The following VIPR2 variants were observed in gnomAD, a reference collection of about 807,000 sequenced individuals.
VIPR2 encodes the protein vasoactive intestinal peptide receptor 2, also known as vasoactive intestinal polypeptide receptor 2.
A neutral mutation model predicts 58.0 loss-of-function variants in VIPR2; 48 were observed. The ratio of observed to expected loss-of-function variants is 0.83; its 90% CI spans 0.66 to 1.05. VIPR2 has a LOEUF of 1.05. Among genes scored for constraint, VIPR2 ranks in the 50% least tolerant of loss-of-function variants. The pLI is 0.00. For missense variants in VIPR2, 534 were observed against 558.0 expected (o/e 0.96, Z 0.43); for synonymous variants, 243 against 235.2 (o/e 1.03, Z -0.30).
Position 159,118,226 on chromosome 7 carries a change from T to C in VIPR2, c.152-8307A>G, listed in dbSNP as rs539537287. The stretch of plus-strand genomic sequence containing the variant: ...CCTTCCCAGCCGCATGTCTGAGTGG[T>C]TGAGTTCTCTGCAATCCTCGCCGCT... On this transcript the variant is annotated intron_variant, in intron 2 of 12. Transcript: ENST00000262178. Among the ~76,000 whole-genome samples the C allele has an allele frequency of 1.4e-4, 22 of 152,304 alleles. No homozygotes were observed. In the South Asian group the frequency reaches 4.3e-3, roughly 30 times the overall value.
At position 159,099,036 on chromosome 7, in the gene VIPR2, G is replaced by A. The variant is rs1585488950; in HGVS notation, c.357+4721C>T. ...TCTGGTGCTTGCAGCCTCCAGAGCC[G>A]CCTGTGCTATGTGCTGTTGCTTCGT... On this transcript the variant is annotated intron_variant, in intron 4 of 12. Coordinates refer to ENST00000262178, the MANE Select transcript of VIPR2 (RefSeq NM_003382.5). This position sits in a 1 kb window ranked among gnomAD's most constrained non-coding sequence, Gnocchi z 4.2. 6.6e-6 allele frequency among the ~76,000 whole-genome samples: 1 copy of A among 152,218 alleles called. No individual in the cohort carries two copies. The highest frequency in any genetic ancestry group is 2.4e-5 in the African/African-American group (1 of 41,466).
Position 159,141,116 on chromosome 7 carries a change from GGAA to G in VIPR2, c.151+1327_151+1329del, listed in dbSNP as rs1458304132. On this transcript the variant is annotated intron_variant, in intron 2 of 12. Coordinates refer to ENST00000262178, the MANE Select transcript of VIPR2 (RefSeq NM_003382.5). ...CCTTTCCTAACTCAGAACTTTCACT[GGAA>G]GAAGGACCTCCCATGGCCACGCTGC... Among the ~76,000 whole-genome samples, 5 of 152,338 alleles carry G rather than the reference GGAA, an allele frequency of 3.3e-5. No individual in the cohort carries two copies. In the South Asian group the frequency reaches 6.2e-4, roughly 19 times the overall value.
intron 5 of VIPR2, among the ~76,000 whole-genome samples, chr7:159,054,134 C>T (rs891226671): frequency 2.1e-4 from 32 of 152,162 alleles, no homozygotes; most frequent in African/African-American, 7.0e-4. Flanking sequence ...TTCCTGTACC[C>T]GCTCCCGGAC....
At position 159,144,376 on chromosome 7, in the gene VIPR2, C is replaced by G. The variant is rs905250751; in HGVS notation, c.51+345G>C. 8 of 1,543,468 alleles carry G rather than the reference C, an allele frequency of 5.2e-6. No homozygotes were observed. The African/African-American group carries it at 6.9e-5, about 13-fold the overall frequency. The stretch of plus-strand genomic sequence containing the variant: ...CTCCCCGTGAAACGCGCAGCCCGCG[C>G]AGGCGCCCGCAGCTCCCAGCTCCCG... On this transcript the variant is annotated intron_variant, in intron 1 of 12. Transcript: ENST00000262178.
intron 10 of VIPR2, 128 bp downstream of exon 10, chr7:159,034,085 C>G: frequency 1.2e-6 from 1 of 850,228 alleles, no homozygotes; most frequent in Admixed American, 2.4e-5. Context: ...CCCTGGGGCC[C>G]AGCCTCGAGG....
At chr7:159,075,932 C>G (rs1041346925) in intron 4 of VIPR2, among the ~76,000 whole-genome samples, 2 of 152,384 alleles carry the variant, frequency 1.3e-5, no homozygotes, top group South Asian at 2.1e-4. Context: ...TCTCACGGGC[C>G]GTGGAAGTCC....
intron 3 of VIPR2, 117 bp downstream of exon 3, chr7:159,109,695 C>G: frequency 2.1e-6 from 2 of 945,944 alleles, no homozygotes; most frequent in Non-Finnish European, 1.7e-6. Context: ...TCCCTGACCC[C>G]CAGGGTAGCA....
chr7:159,031,507 G>T lies in VIPR2; in HGVS notation c.1143+321C>A. On this transcript the variant is annotated intron_variant, in intron 12 of 12. Transcript: ENST00000262178. This position sits in a 1 kb window ranked among gnomAD's most constrained non-coding sequence, Gnocchi z 4.0. Reference sequence around the variant, plus strand: ...TCTGGGACTCACAAGCTATGGTCAGGAGCGAGACGCCGACCATGGGGAAAA... The same window carrying T: ...TCTGGGACTCACAAGCTATGGTCAGTAGCGAGACGCCGACCATGGGGAAAA... 1 of 985,386 alleles carries T rather than the reference G, an allele frequency of 1.0e-6. No homozygotes were observed. Among genetic ancestry groups the T allele is most frequent in the Non-Finnish European group, 1.2e-6 (1 of 829,920 alleles). 61.0% of individuals were successfully genotyped at this position (985,386 alleles called of 1,614,324 possible).
chr7:159,048,754 G>A (rs1391385112), intron 5 of VIPR2, among the ~76,000 whole-genome samples: 1 of 152,148 alleles, frequency 6.6e-6, no homozygotes, highest in Non-Finnish European at 1.5e-5. Flanking sequence ...GTTGGACACT[G>A]CTGATCTCAA....
chr7:159,035,912 C>T (rs370646609), intron 8 of VIPR2, 40 bp downstream of exon 8: 24 of 1,600,742 alleles, frequency 1.5e-5, no homozygotes, highest in African/African-American at 8.1e-5. Context: ...CAGATGTTGC[C>T]GGGCCCGTTT....
rs1405675355 is a variant in VIPR2 at position 159,029,187 on chromosome 7, G to A, written c.*1429C>T. The A allele has an allele frequency of 6.6e-6, 1 of 152,258 alleles. No individual in the cohort carries two copies. Among genetic ancestry groups the A allele is most frequent in the East Asian group, 1.9e-4 (1 of 5,182 alleles). The allele number at this position is 152,258 out of a possible 1,614,324, so 9.4% of individuals were successfully genotyped here. On this transcript the variant is annotated 3_prime_UTR_variant, in exon 13 of 13. Transcript: ENST00000262178. ...GGTCTGTGATGCCACCAATGCACAGGAACAAGACATTCATTTTTAAGGGAA... is the reference window on the plus strand; with the variant it reads ...GGTCTGTGATGCCACCAATGCACAGAAACAAGACATTCATTTTTAAGGGAA...
chr7:159,088,865 TC>T, intron 4 of VIPR2, among the ~76,000 whole-genome samples: 1 of 69,978 alleles, frequency 1.4e-5, no homozygotes, highest in Non-Finnish European at 3.8e-5. Context: ...CAGCTCCTCA[TC>T]TGGGGAATGG....
chr7:159,142,587 CAAG>C (rs1563363411), intron 1 of VIPR2, 42 bp from the exon 2 acceptor site: 11 of 1,504,942 alleles, frequency 7.3e-6, no homozygotes, highest in South Asian at 2.4e-5. Context: ...AAAAATTCCA[CAAG>C]AAGAAGAAAA....
intron 2 of VIPR2, among the ~76,000 whole-genome samples, chr7:159,121,495 T>TA (rs1333988028): frequency 1.3e-5 from 2 of 152,216 alleles, no homozygotes; most frequent in African/African-American, 4.8e-5. Flanking sequence ...GACACACTGT[T>TA]ACACATGCTT....
At position 159,142,446 on chromosome 7, in the gene VIPR2, C is replaced by T. The variant is rs1381463923; in HGVS notation, c.151G>A (p.Ala51Thr). 6.2e-7 allele frequency: 1 copy of T among 1,612,956 alleles called. No individual in the cohort carries two copies. The highest frequency in any genetic ancestry group is 8.5e-7 in the Non-Finnish European group (1 of 1,179,234). ...CTTACTCACCAAGCCTCTGCCTTAC[C>T]TTTGTGTTTTTCTGTTTGAGACCTC... ...LLRSQTEKHK[A>T]CSGVWDNITC... Residue 51 changes from alanine to threonine, a missense_variant and splice_region_variant, in exon 2 of 13, where the codon GCC becomes ACC. By Grantham distance (58) the Ala-to-Thr change is moderately conservative. This residue lies in a region of VIPR2 where 224 missense variants were observed against 255.7 expected (regional missense o/e 0.88). Transcript: ENST00000262178.
intron 4 of VIPR2, among the ~76,000 whole-genome samples, chr7:159,075,927 C>T (rs1236814652): frequency 6.6e-6 from 1 of 152,262 alleles, no homozygotes; most frequent in South Asian, 2.1e-4. Flanking sequence ...TGCTTTCTCA[C>T]GGGCCGTGGA....
intron 5 of VIPR2, among the ~76,000 whole-genome samples, chr7:159,044,561 TAA>T (rs1361083845): frequency 6.9e-6 from 1 of 145,198 alleles, no homozygotes; most frequent in Non-Finnish European, 1.5e-5. Flanking sequence ...CAACTTTAAA[TAA>T]AGTGTCTTAA....
chr7:159,111,566 G>T (rs1335422951), intron 2 of VIPR2, among the ~76,000 whole-genome samples: 2 of 151,962 alleles, frequency 1.3e-5, no homozygotes, highest in Non-Finnish European at 2.9e-5. Context: ...TGTAATCCCA[G>T]CTACTCAGGA....
chr7:159,101,087 G>A (rs188319559), intron 4 of VIPR2, among the ~76,000 whole-genome samples: 2 of 147,906 alleles, frequency 1.4e-5, no homozygotes, highest in African/African-American at 2.5e-5. Flanking sequence ...GGTAGTGAAC[G>A]GGTCTCACGA....
Sources: allele counts gnomAD v4.1 joint callset (sites outside exome capture counted in the v4.1 genomes callset), GRCh38; gene constraint gnomAD v4.1.1; regional missense constraint gnomAD v4.1.1; non-coding constraint Gnocchi (gnomAD v3.1); transcripts MANE v1.5; gene names NCBI Gene and HGNC (gene_info 2026-07-23, HGNC 2026-07-21).